ZDHHC1: variants seen among roughly 807,000 people sequenced by gnomAD.
ZDHHC1 encodes zDHHC palmitoyltransferase 1.
A neutral mutation model predicts 46.9 loss-of-function variants in ZDHHC1; 45 were observed. The observed-to-expected ratio is 0.96, with a 90% CI of 0.76 to 1.23. The LOEUF (loss-of-function observed/expected upper bound fraction) is 1.23. Ranked by LOEUF, ZDHHC1 falls within the 50% of genes most tolerant of loss-of-function variation. The pLI, the probability that ZDHHC1 is intolerant of heterozygous loss-of-function variation, is 0.00. For missense variants in ZDHHC1, 649 were observed against 670.8 expected (o/e 0.97, Z 0.36); for synonymous variants, 291 against 286.0 (o/e 1.02, Z -0.18).
At chr16:67,409,068 G>C (rs1312971186) in intron 1 of ZDHHC1, among the ~76,000 whole-genome samples, 1 of 152,142 alleles carries the variant, frequency 6.6e-6, no homozygotes, top group African/African-American at 2.4e-5. Context: ...GAGCAAAACA[G>C]ACGCATGCAG....
At chr16:67,399,530 G>C (rs1301091817) in intron 4 of ZDHHC1, 74 bp from the exon 5 acceptor site, 32 of 1,319,312 alleles carry the variant, frequency 2.4e-5, no homozygotes, top group Non-Finnish European at 3.0e-5. Flanking sequence ...CGGGGTGGTT[G>C]AGTGGGGTCT....
chr16:67,395,200 C>G lies in ZDHHC1; in HGVS notation c.1091G>C (p.Arg364Pro). The change falls in exon 10 of 12, where the codon CGG becomes CCG. Residue 364 changes from arginine (R) to proline (P), a missense_variant. Transcript: ENST00000565726. Reference protein sequence around the residue: ...SSPDTLALPPRIRPQKKRKRR... With the variant: ...SSPDTLALPPPIRPQKKRKRR... ...AGTCCCTCCTACCTGGGGTCGGATC[C>G]GGGGAGGCAGGGCGAGAGTGTCTGG... The G allele has an allele frequency of 1.2e-6, 2 of 1,612,010 alleles. No individual in the cohort carries two copies. Among genetic ancestry groups the G allele is most frequent in the South Asian group, 1.1e-5 (1 of 90,850 alleles).
intron 1 of ZDHHC1, among the ~76,000 whole-genome samples, chr16:67,413,938 CAAAAAAAAAAAA>C (rs974752448): frequency 4.8e-5 from 3 of 61,942 alleles, no homozygotes; most frequent in East Asian, 1.2e-3. Context: ...GACTCCGTCT[CAAAAAAAAAAAA>C]AAAAAAAAAA....
At chr16:67,407,309 C>T (rs1440437280) in intron 2 of ZDHHC1, among the ~76,000 whole-genome samples, 1 of 152,224 alleles carries the variant, frequency 6.6e-6, no homozygotes, top group African/African-American at 2.4e-5. Context: ...CAAGATGGGA[C>T]AACAGCTCAG....
intron 8 of ZDHHC1, among the ~76,000 whole-genome samples, chr16:67,397,588 G>A (rs2040456879): frequency 6.6e-6 from 1 of 152,128 alleles, no homozygotes; most frequent in African/African-American, 2.4e-5. Context: ...AGCAAAGCCT[G>A]CCCGGGCCCC....
At position 67,401,109 on chromosome 16, in the gene ZDHHC1, G is replaced by A. The variant is rs2040545644; in HGVS notation, c.276C>T (p.Gly92=). ...GYACMGAIFA[G]HLVVHLTAVS... ...CGGCGGTCAGGTGCACCACAAGGTG[G>A]CCAGCAAAGATGGCGCCCATGCACT... The change falls in exon 4 of 12, where the codon GGC becomes GGT. Residue 92 remains glycine, a synonymous_variant. Coordinates refer to ENST00000565726, the MANE Select transcript of ZDHHC1 (RefSeq NM_001323627.2). The surrounding 1 kb of genome is among the most constrained non-coding windows in gnomAD (Gnocchi z 4.6). The A allele has an allele frequency of 1.9e-6, 3 of 1,614,002 alleles. No individual in the cohort carries two copies. The highest frequency in any genetic ancestry group is 2.5e-6 in the Non-Finnish European group (3 of 1,180,020).
intron 2 of ZDHHC1, among the ~76,000 whole-genome samples, chr16:67,407,118 C>T (rs2040675535): frequency 1.3e-5 from 2 of 152,192 alleles, no homozygotes; most frequent in African/African-American, 2.4e-5. Context: ...GCCTGGTGTA[C>T]AGTTTTGTAC....
rs1261533731 is a variant in ZDHHC1 at position 67,394,740 on chromosome 16, G to A, written c.1319C>T (p.Ala440Val). 6.9e-7 allele frequency: 1 copy of A among 1,444,104 alleles called. No homozygotes were observed. The highest frequency in any genetic ancestry group is 9.1e-7 in the Non-Finnish European group (1 of 1,104,772). 89.5% of individuals were successfully genotyped at this position (1,444,104 alleles called of 1,614,324 possible). A position where few individuals can be genotyped will look rare whatever the true frequency, so the allele number is the denominator to read the frequency against. ...GCCCCGGCCCCGCGGGGCGGCCAGA[G>A]CGGCGCTGCCCAGGCGCGTCTGCGC... is the stretch of plus-strand genomic sequence containing the variant. ...PVAQTRLGSA[A>V]LAAPRGRGRQ... The change falls in exon 12 of 12, where the codon GCT becomes GTT. Residue 440 changes from alanine (A) to valine (V), a missense_variant. Coordinates refer to ENST00000565726, the MANE Select transcript of ZDHHC1 (RefSeq NM_001323627.2).
chr16:67,410,534 C>T (rs2040733443), intron 1 of ZDHHC1, among the ~76,000 whole-genome samples: 1 of 152,166 alleles, frequency 6.6e-6, no homozygotes, highest in South Asian at 2.1e-4. Flanking sequence ...CTCCCTTATC[C>T]CCCACAAGGT....
At chr16:67,407,889 T>C in intron 1 of ZDHHC1, 76 bp from the exon 2 acceptor site, 1 of 716,812 alleles carries the variant, frequency 1.4e-6, no homozygotes, top group African/African-American at 1.7e-5. Context: ...GCCTGCTTTC[T>C]CCTGCCTTCC....
In ZDHHC1 at chr16:67,395,529, C is replaced by T. The variant is rs1181480822; in HGVS notation, c.965G>A (p.Arg322His). 8 of 1,555,224 alleles carry T rather than the reference C, an allele frequency of 5.1e-6. No individual in the cohort carries two copies. Among genetic ancestry groups the T allele is most frequent in the Non-Finnish European group, 6.1e-6 (7 of 1,148,768 alleles). Residue 322 changes from arginine to histidine, a missense_variant, in exon 9 of 12, where the codon CGC (arginine) becomes CAC (histidine). Physicochemically the swap from Arg to His is conservative, Grantham distance 29. Transcript: ENST00000565726. ...EFYMRTFRHM[R>H]PEPPGQAGPA... ...CCCGGCCTGGCCAGGGGGCTCTGGG[C>T]GCATATGTCTGAAGGTCCGCATGTA... is the stretch of plus-strand genomic sequence containing the variant.
At chr16:67,399,676 G>A (rs1027048895) in intron 4 of ZDHHC1, among the ~76,000 whole-genome samples, 1 of 152,144 alleles carries the variant, frequency 6.6e-6, no homozygotes, top group Non-Finnish European at 1.5e-5. Context: ...CCCAGAGGCC[G>A]CAGGAGGGGT....
chr16:67,394,987 G>A lies in ZDHHC1; in HGVS notation c.1165+15C>T. 1 of 1,604,178 alleles carries A rather than the reference G, an allele frequency of 6.2e-7. No individual in the cohort carries two copies. The highest frequency in any genetic ancestry group is 8.5e-7 in the Non-Finnish European group (1 of 1,175,456). ...GAGTTCCCAGAGCAGGACCCGGACA[G>A]GGAGAGGCGCTCACCCGACGCCGGA... On this transcript the variant is annotated intron_variant, in intron 11 of 11. Transcript: ENST00000565726.
At chr16:67,413,101 A>G (rs999474644) in intron 1 of ZDHHC1, among the ~76,000 whole-genome samples, 3 of 145,302 alleles carry the variant, frequency 2.1e-5, no homozygotes, top group Admixed American at 2.0e-4. Context: ...TTTTTAAGAG[A>G]CAGGATCCTG....
In ZDHHC1 at chr16:67,415,798, A is replaced by T. The variant is rs764710097; in HGVS notation, c.-39+373T>A. ...AAAACTCTTCCCATGGTTTCCTTTT[A>T]AAACAGACCCTCCATGACCAACCCC... On this transcript the variant is annotated intron_variant, in intron 1 of 11. Transcript: ENST00000565726. Among the ~76,000 whole-genome samples the T allele has an allele frequency of 3.3e-5, 5 of 152,190 alleles. No individual in the cohort carries two copies. The South Asian group carries it at 1.0e-3, about 32-fold the overall frequency.
chr16:67,394,971 G>A, intron 11 of ZDHHC1, 31 bp downstream of exon 11: 1 of 1,594,308 alleles, frequency 6.3e-7, no homozygotes. Flanking sequence ...CGAGTTCCCA[G>A]AGCAGGACCC....
chr16:67,408,144 G>A (rs1276259746), intron 1 of ZDHHC1, among the ~76,000 whole-genome samples: 1 of 152,082 alleles, frequency 6.6e-6, no homozygotes, highest in African/African-American at 2.4e-5. Flanking sequence ...TTCAACTGGT[G>A]GTATTTGGGT....
At chr16:67,404,980 G>A (rs2040626981) in intron 3 of ZDHHC1, among the ~76,000 whole-genome samples, 3 of 152,210 alleles carry the variant, frequency 2.0e-5, no homozygotes, top group Admixed American at 2.0e-4. Flanking sequence ...ATCACAGGAG[G>A]AATGTCCCAT....
intron 1 of ZDHHC1, among the ~76,000 whole-genome samples, chr16:67,408,140 T>A (rs2040694920): frequency 6.6e-6 from 1 of 152,104 alleles, no homozygotes; most frequent in Non-Finnish European, 1.5e-5. Context: ...GGGATTCAAC[T>A]GGTGGTATTT....
Sources: gnomAD v4.1 joint callset for allele counts (sites outside exome capture counted in the v4.1 genomes callset) on GRCh38, gnomAD v4.1.1 for gene constraint, Gnocchi (gnomAD v3.1) non-coding constraint, MANE v1.5 for transcripts, NCBI Gene and HGNC (gene_info 2026-07-23, HGNC 2026-07-21) for gene names.